CCSER1: variants seen among roughly 807,000 people sequenced by gnomAD.
The protein encoded by CCSER1 is serine-rich coiled-coil domain-containing protein 1.
In CCSER1, 41 loss-of-function variants were observed where a neutral mutation model predicts 82.0. The ratio of observed to expected loss-of-function variants is 0.50; its 90% CI spans 0.39 to 0.65. CCSER1 has a LOEUF of 0.65. CCSER1 is among the 30% of genes least tolerant of loss of function. CCSER1 has a pLI of 0.00. For missense variants in CCSER1, 1,119 were observed against 1,064.2 expected (o/e 1.05, Z -0.72); for synonymous variants, 414 against 383.9 (o/e 1.08, Z -0.92).
chr4:91,308,280 A>C (rs910778377), intron 10 of CCSER1, among the ~76,000 whole-genome samples: 2 of 151,960 alleles, frequency 1.3e-5, no homozygotes, highest in Non-Finnish European at 1.5e-5. Flanking sequence ...AATATTTACA[A>C]GTGACAGGGC....
chr4:91,246,821 C>CACACAT (rs758866119), intron 10 of CCSER1, among the ~76,000 whole-genome samples: 1 of 126,488 alleles, frequency 7.9e-6, no homozygotes, highest in East Asian at 2.1e-4. Flanking sequence ...TACACACATA[C>CACACAT]ACACATACAC....
At chr4:91,435,626 TA>T (rs1439176686) in intron 10 of CCSER1, among the ~76,000 whole-genome samples, 1 of 152,218 alleles carries the variant, frequency 6.6e-6, no homozygotes, top group Admixed American at 6.5e-5. Flanking sequence ...TACAGGAATT[TA>T]TATGTAGTTC....
Position 90,209,910 on chromosome 4 carries a change from ATGTTT to A in CCSER1, c.-42+82087_-42+82091del, listed in dbSNP as rs567862275. 1.6e-3 allele frequency among the ~76,000 whole-genome samples: 247 copies of A among 150,956 alleles called. 2 individuals are homozygous for A. Among genetic ancestry groups the A allele is most frequent in the African/African-American group, 5.5e-3 (226 of 41,112 alleles). ...GGATTAAGTGACAGCATCCCCTTATATGTTTTGTTTTGGTTTGGTTTGGTTTGTGC... is the reference window on the plus strand; with the variant it reads ...GGATTAAGTGACAGCATCCCCTTATATGTTTTGGTTTGGTTTGGTTTGTGC... On this transcript the variant is annotated intron_variant, in intron 1 of 10. Coordinates refer to ENST00000509176, the MANE Select transcript of CCSER1 (RefSeq NM_001145065.2).
At chr4:91,222,638 T>C (rs1737845872) in intron 10 of CCSER1, among the ~76,000 whole-genome samples, 1 of 152,128 alleles carries the variant, frequency 6.6e-6, no homozygotes, top group Admixed American at 6.6e-5. Flanking sequence ...GTATCTAAGA[T>C]GGCTGAAGTA....
At chr4:90,196,072 A>G (rs1736536478) in intron 1 of CCSER1, among the ~76,000 whole-genome samples, 1 of 150,568 alleles carries the variant, frequency 6.6e-6, no homozygotes, top group Admixed American at 6.6e-5. Flanking sequence ...CAAAATGGTA[A>G]CAATCCTATT....
At chr4:91,122,232 C>T (rs1727147377) in intron 10 of CCSER1, among the ~76,000 whole-genome samples, 2 of 151,668 alleles carry the variant, frequency 1.3e-5, no homozygotes, top group Admixed American at 6.6e-5. Context: ...GTGATGGTTC[C>T]TTGATACTAT....
chr4:90,614,590 A>G (rs958548110), intron 5 of CCSER1, among the ~76,000 whole-genome samples: 1 of 152,196 alleles, frequency 6.6e-6, no homozygotes, highest in African/African-American at 2.4e-5. Context: ...AAATCAAATC[A>G]GTCATTACAG....
At chr4:90,591,118 GGAATGCTTGT>G (rs1362191572) in intron 5 of CCSER1, among the ~76,000 whole-genome samples, 1 of 152,088 alleles carries the variant, frequency 6.6e-6, no homozygotes, top group African/African-American at 2.4e-5. Context: ...TTGGTGTATA[GGAATGCTTGT>G]GATTTTTGTA....
intron 5 of CCSER1, among the ~76,000 whole-genome samples, chr4:90,490,802 T>C (rs1560602424): frequency 6.6e-6 from 1 of 152,160 alleles, no homozygotes; most frequent in Non-Finnish European, 1.5e-5. Flanking sequence ...TTCTTGTTTT[T>C]GTCAGGTTTG....
intron 3 of CCSER1, among the ~76,000 whole-genome samples, chr4:90,366,693 GGTAA>G (rs1307240828): frequency 2.0e-5 from 3 of 151,660 alleles, no homozygotes; most frequent in African/African-American, 7.2e-5. Flanking sequence ...CAACATTTGA[GGTAA>G]GTGTTTAATT....
chr4:91,094,790 A>G (rs55871997), intron 10 of CCSER1, among the ~76,000 whole-genome samples: 51,299 of 151,788 alleles, frequency 0.34, 9,090 homozygotes, highest in East Asian at 0.46. Context: ...GGTTAGAAAA[A>G]GTCTCCATTC....
intron 10 of CCSER1, among the ~76,000 whole-genome samples, chr4:91,547,392 A>G (rs1367467707): frequency 6.6e-6 from 1 of 152,192 alleles, no homozygotes; most frequent in Non-Finnish European, 1.5e-5. Context: ...TGTTAGGCAC[A>G]TACACGTTAA....
chr4:90,574,251 ATTTTTTTT>A (rs777629017), intron 5 of CCSER1, among the ~76,000 whole-genome samples: 54 of 86,072 alleles, frequency 6.3e-4, no homozygotes, highest in African/African-American at 3.2e-3. Context: ...AAACACATTA[ATTTTTTTT>A]TTTTTTTTTT....
At chr4:90,852,660 T>G (rs1198702242) in intron 8 of CCSER1, among the ~76,000 whole-genome samples, 1 of 152,214 alleles carries the variant, frequency 6.6e-6, no homozygotes, top group African/African-American at 2.4e-5. Flanking sequence ...AGGAAGAACA[T>G]TTAATGTTCC....
At chr4:91,293,217 C>T (rs1331465748) in intron 10 of CCSER1, among the ~76,000 whole-genome samples, 2 of 151,878 alleles carry the variant, frequency 1.3e-5, no homozygotes, top group Non-Finnish European at 2.9e-5. Context: ...CCACTACAAC[C>T]CTTGTTGTAC....
chr4:91,226,649 C>T (rs762897479), intron 10 of CCSER1, among the ~76,000 whole-genome samples: 7 of 151,814 alleles, frequency 4.6e-5, no homozygotes, highest in African/African-American at 7.2e-5. Context: ...TGAAGTAAGA[C>T]GCTTAAATAT....
chr4:90,717,329 G>A (rs974928609), intron 6 of CCSER1, among the ~76,000 whole-genome samples: 2 of 152,248 alleles, frequency 1.3e-5, no homozygotes, highest in African/African-American at 4.8e-5. Flanking sequence ...GGCAAAAACA[G>A]CAGCTATAAA....
intron 10 of CCSER1, among the ~76,000 whole-genome samples, chr4:91,411,668 G>T (rs1217588352): frequency 1.3e-5 from 2 of 149,682 alleles, no homozygotes; most frequent in African/African-American, 4.9e-5. Context: ...CTCTCATAAG[G>T]CTGTGAGTCC....
At chr4:90,418,372 TA>T (rs1487338627) in intron 4 of CCSER1, among the ~76,000 whole-genome samples, 1 of 152,082 alleles carries the variant, frequency 6.6e-6, no homozygotes, top group Non-Finnish European at 1.5e-5. Flanking sequence ...TTAACATTTT[TA>T]AATATAGAAT....
Sources: gnomAD v4.1 joint callset for allele counts (sites outside exome capture counted in the v4.1 genomes callset) on GRCh38, gnomAD v4.1.1 for gene constraint, MANE v1.5 for transcripts, NCBI Gene and HGNC (gene_info 2026-07-23, HGNC 2026-07-21) for gene names.